SCARA3: variants seen among roughly 807,000 people sequenced by gnomAD.
The protein encoded by SCARA3 is scavenger receptor class A member 3.
A neutral mutation model predicts 47.0 loss-of-function variants in SCARA3; 39 were observed. The observed-to-expected ratio is 0.83, with a 90% CI of 0.64 to 1.08. The LOEUF (loss-of-function observed/expected upper bound fraction) is 1.08. Ranked by LOEUF, SCARA3 falls within the 50% of genes least tolerant of loss-of-function variation. The pLI is 0.00. For synonymous variants in SCARA3, 356 were observed against 334.1 expected (o/e 1.07, Z -0.71); for missense variants, 724 against 792.3 (o/e 0.91, Z 1.04).
the SCARA3 span, among the ~76,000 whole-genome samples, chr8:27,722,232 A>C: frequency 0.13 from 19,038 of 152,186 alleles, 1,318 homozygotes; most frequent in African/African-American, 0.2. Context: ...CCAAGGTCTC[A>C]TACATTTTTT....
intron 1 of SCARA3, among the ~76,000 whole-genome samples, chr8:27,645,508 T>C (rs1015502221): frequency 2.0e-5 from 3 of 152,274 alleles, no homozygotes; most frequent in Non-Finnish European, 4.4e-5. Context: ...TGTGCAACTC[T>C]GCAGACACTC....
chr8:27,633,594 C>G (rs1353959625), upstream of SCARA3, among the ~76,000 whole-genome samples: 1 of 148,078 alleles, frequency 6.8e-6, no homozygotes, highest in African/African-American at 2.4e-5. Context: ...AAGGAGCTCT[C>G]CCGGTGAGCC....
intron 5 of SCARA3, among the ~76,000 whole-genome samples, chr8:27,665,458 G>T (rs547166554): frequency 2.4e-4 from 37 of 152,282 alleles, no homozygotes; most frequent in Admixed American, 2.4e-3. Flanking sequence ...TCCATGCTAG[G>T]ACTATCATTT....
chr8:27,663,807 A>G (rs1274797958), intron 5 of SCARA3, among the ~76,000 whole-genome samples: 1 of 152,214 alleles, frequency 6.6e-6, no homozygotes, highest in Non-Finnish European at 1.5e-5. Flanking sequence ...GCTGGGTCCT[A>G]TGGCCCAGGC....
chr8:27,671,191 C>T lies in SCARA3; in HGVS notation c.1661C>T (p.Ser554Phe), dbSNP rs1219019623. Residue 554 changes from serine (S) to phenylalanine (F), a missense_variant, in exon 6 of 6, where the codon TCT (serine) becomes TTT (phenylalanine). Ser to Phe is a radical substitution (Grantham distance 155, BLOSUM62 -2). Coordinates refer to ENST00000301904, the MANE Select transcript of SCARA3 (RefSeq NM_016240.3). ...GPPGPEGPPG[S>F]PGPSGPQGKP... is the part of the protein sequence containing the mutation. Reference sequence around the variant, plus strand: ...CCAGGGCCAGAAGGGCCCCCGGGGTCTCCAGGGCCCTCAGGGCCTCAGGGA... The same window carrying T: ...CCAGGGCCAGAAGGGCCCCCGGGGTTTCCAGGGCCCTCAGGGCCTCAGGGA... 6.6e-7 allele frequency: 1 copy of T among 1,511,946 alleles called. No homozygotes were observed. The highest frequency in any genetic ancestry group is 1.3e-5 in the South Asian group (1 of 78,168). 93.7% of individuals were successfully genotyped at this position (1,511,946 alleles called of 1,614,324 possible).
the SCARA3 span, among the ~76,000 whole-genome samples, chr8:27,728,444 G>A: frequency 1.3e-5 from 2 of 152,186 alleles, no homozygotes; most frequent in African/African-American, 2.4e-5. Context: ...AAGAGTGCCC[G>A]CCATGAAAGA....
At chr8:27,723,316 A>G in the SCARA3 span, among the ~76,000 whole-genome samples, 2 of 152,130 alleles carry the variant, frequency 1.3e-5, no homozygotes, top group East Asian at 3.9e-4. Flanking sequence ...TTGGCTCCGA[A>G]TTGGCAGGTG....
At chr8:27,651,454 A>G in intron 2 of SCARA3, 54 bp from the exon 3 acceptor site, 1 of 1,591,106 alleles carries the variant, frequency 6.3e-7, no homozygotes. Context: ...CTGACCCTTC[A>G]GCTCCAACCT....
At chr8:27,730,044 A>G in the SCARA3 span, among the ~76,000 whole-genome samples, 11 of 152,228 alleles carry the variant, frequency 7.2e-5, no homozygotes, top group Admixed American at 2.0e-4. Flanking sequence ...GGGGCACTGG[A>G]GGTGCCTGGG....
downstream of SCARA3, chr8:27,676,907 G>A (rs994159503): frequency 7.7e-5 from 15 of 193,632 alleles, no homozygotes; most frequent in Non-Finnish European, 1.5e-4. Flanking sequence ...GGGAGAAAGG[G>A]AATATCCACG....
In SCARA3 at chr8:27,649,896, T is replaced by C. The variant is rs956580361; in HGVS notation, c.106+96T>C. The C allele has an allele frequency of 1.0e-5, 11 of 1,101,268 alleles. No individual in the cohort carries two copies. The East Asian group carries it at 2.2e-4, about 22-fold the overall frequency. The allele number at this position is 1,101,268 out of a possible 1,614,324, so 68.2% of individuals were successfully genotyped here. ...TGAGAGATTTGTCTCTTTAGGTGGT[T>C]TCAAAAGCCTGGGTGTCCTTTCCCC... On this transcript the variant is annotated intron_variant, in intron 2 of 5. Transcript: ENST00000301904.
At chr8:27,730,521 A>G in the SCARA3 span, among the ~76,000 whole-genome samples, 1 of 146,468 alleles carries the variant, frequency 6.8e-6, no homozygotes, top group Non-Finnish European at 1.5e-5. Context: ...GGTCTCACTC[A>G]GGCTCAGGCT....
chr8:27,675,836 C>CA (rs1390059256), downstream of SCARA3, among the ~76,000 whole-genome samples: 1 of 144,798 alleles, frequency 6.9e-6, no homozygotes, highest in Non-Finnish European at 1.5e-5. Flanking sequence ...GCCTCCCCCC[C>CA]AGAAACTCTG....
intron 3 of SCARA3, among the ~76,000 whole-genome samples, chr8:27,655,009 A>G (rs1801714093): frequency 6.6e-6 from 1 of 152,208 alleles, no homozygotes; most frequent in Admixed American, 6.5e-5. Flanking sequence ...TAAACTGTAC[A>G]GTGCTTGTCT....
At chr8:27,683,245 C>G in the SCARA3 span, among the ~76,000 whole-genome samples, 2 of 151,964 alleles carry the variant, frequency 1.3e-5, no homozygotes, top group African/African-American at 4.8e-5. Context: ...ACCAATATAG[C>G]GTGGTAGAAA....
chr8:27,646,961 TGA>T (rs1801506267), intron 1 of SCARA3, among the ~76,000 whole-genome samples: 1 of 30,150 alleles, frequency 3.3e-5, no homozygotes, highest in Non-Finnish European at 6.3e-5. Flanking sequence ...CCCGCACCCC[TGA>T]CCGCCCCCGC....
chr8:27,642,195 G>GGATA (rs1462771467), intron 1 of SCARA3, among the ~76,000 whole-genome samples: 3 of 152,278 alleles, frequency 2.0e-5, no homozygotes, highest in Admixed American at 2.0e-4. Context: ...GTGTCCCATA[G>GGATA]GATATGTTTT....
chr8:27,685,907 A>C, the SCARA3 span, among the ~76,000 whole-genome samples: 4 of 152,208 alleles, frequency 2.6e-5, no homozygotes, highest in Admixed American at 1.3e-4. Flanking sequence ...CAGTTTCTCC[A>C]ACAAATAAAC....
chr8:27,687,147 T>C, the SCARA3 span, among the ~76,000 whole-genome samples: 2 of 152,306 alleles, frequency 1.3e-5, no homozygotes, highest in East Asian at 3.9e-4. Flanking sequence ...TTGAACCAAT[T>C]AGCCAAAGAG....
Sources: allele counts gnomAD v4.1 joint callset (sites outside exome capture counted in the v4.1 genomes callset), GRCh38; gene constraint gnomAD v4.1.1; transcripts MANE v1.5; gene names NCBI Gene and HGNC (gene_info 2026-07-23, HGNC 2026-07-21).